TNNI3K: variants seen among roughly 807,000 people sequenced by gnomAD.
The protein encoded by TNNI3K is serine/threonine-protein kinase TNNI3K.
TNNI3K carries 140 observed loss-of-function variants against 114.5 expected under a neutral mutation model. The ratio of observed to expected loss-of-function variants is 1.22; its 90% CI spans 1.07 to 1.41. The LOEUF (loss-of-function observed/expected upper bound fraction) is 1.41. Among genes scored for constraint, TNNI3K ranks in the 40% most tolerant of loss-of-function variants. TNNI3K has a pLI of 0.00. For synonymous variants in TNNI3K, 347 were observed against 347.5 expected (o/e 1.00, Z 0.02); for missense variants, 1,125 against 1,007.6 (o/e 1.12, Z -1.58).
intron 17 of TNNI3K, among the ~76,000 whole-genome samples, chr1:74,377,701 T>C (rs1435929830): frequency 1.3e-5 from 2 of 152,140 alleles, no homozygotes; most frequent in Non-Finnish European, 2.9e-5. Flanking sequence ...ATATTAAAAC[T>C]TTTATTTCTG....
chr1:74,364,697 A>G (rs1259059483), intron 11 of TNNI3K, among the ~76,000 whole-genome samples: 1 of 151,906 alleles, frequency 6.6e-6, no homozygotes, highest in Admixed American at 6.6e-5. Context: ...TCATTGTAAT[A>G]TGGAAAAGGG....
Position 74,475,387 on chromosome 1 carries a change from G to C in TNNI3K, c.2121+11837G>C, listed in dbSNP as rs45516996. The C allele has an allele frequency of 3.0e-4, 216 of 717,032 alleles. 1 individual carries two copies. In the African/African-American group the frequency reaches 3.4e-3, roughly 11 times the overall value. The allele number at this position is 717,032 out of a possible 1,614,324, so 44.4% of individuals were successfully genotyped here. A position where few individuals can be genotyped will look rare whatever the true frequency, so the allele number is the denominator to read the frequency against. ...CTTTTGAACTTTCCTTGGATTATAT[G>C]TTGTAAGTAAGCCTGCTTCATTAAA... On this transcript the variant is annotated intron_variant, in intron 21 of 24. Transcript: ENST00000326637.
intron 2 of TNNI3K, among the ~76,000 whole-genome samples, chr1:74,242,129 A>C (rs185764768): frequency 6.6e-6 from 1 of 152,034 alleles, no homozygotes; most frequent in South Asian, 2.1e-4. Context: ...GATTACAAGC[A>C]TGAGCCACCG....
intron 21 of TNNI3K, chr1:74,469,773 C>T: frequency 2.5e-6 from 1 of 397,320 alleles, no homozygotes; most frequent in Non-Finnish European, 4.4e-6. Context: ...CGTTGTTGTC[C>T]TCCAAAATGA....
chr1:74,323,506 T>G, intron 5 of TNNI3K, among the ~76,000 whole-genome samples: 1 of 151,890 alleles, frequency 6.6e-6, no homozygotes, highest in Non-Finnish European at 1.5e-5. Context: ...AGGCAAGTGG[T>G]AAAGATTTGA....
intron 5 of TNNI3K, among the ~76,000 whole-genome samples, chr1:74,319,877 T>C (rs1000128023): frequency 6.6e-6 from 1 of 152,130 alleles, no homozygotes; most frequent in African/African-American, 2.4e-5. Context: ...TTTGAAACTT[T>C]TGGAAAACTT....
rs58113455 is a variant in TNNI3K, at chr1:74,378,594, T to TTATATATA, written c.1772+8242_1772+8249dup. On this transcript the variant is annotated intron_variant, in intron 17 of 24. Transcript: ENST00000326637. ...TTTTGTTGTTGTTGTCAGTTTAATT[T>TTATATATA]TATATATATATATATATATATATAT... The TTATATATA allele has an allele frequency of 2.9e-3, 226 of 77,810 alleles. 1 individual carries two copies. The highest frequency in any genetic ancestry group is 4.1e-3 in the Non-Finnish European group (157 of 38,300). 4.8% of individuals were successfully genotyped at this position (77,810 alleles called of 1,614,324 possible).
Position 74,370,322 on chromosome 1 carries a change from G to A in TNNI3K, c.1702G>A (p.Val568Ile), listed in dbSNP as rs767080527. ...LDLQSKLIIA[V>I]DVAKGMEYLH... ...TTTGCAGTCTAAATTAATTATTGCA[G>A]TAGATGTTGCCAAAGGCATGGAGTA... The change falls in exon 17 of 25, where the codon GTA (valine) becomes ATA (isoleucine). Residue 568 changes from valine (V) to isoleucine (I), a missense_variant. By Grantham distance (29) the Val-to-Ile change is conservative (BLOSUM62 3). Coordinates refer to ENST00000326637, the MANE Select transcript of TNNI3K (RefSeq NM_015978.3). 1 of 1,604,258 alleles carries A rather than the reference G, an allele frequency of 6.2e-7. No homozygotes were observed. Among genetic ancestry groups the A allele is most frequent in the Non-Finnish European group, 8.5e-7 (1 of 1,174,226 alleles).
chr1:74,350,665 A>G (rs1410574449), intron 9 of TNNI3K, among the ~76,000 whole-genome samples: 1 of 151,936 alleles, frequency 6.6e-6, no homozygotes, highest in Non-Finnish European at 1.5e-5. Context: ...CTGGGTGCAT[A>G]TATATTTAGG....
intron 2 of TNNI3K, among the ~76,000 whole-genome samples, chr1:74,239,069 C>T (rs932609587): frequency 2.0e-5 from 3 of 151,948 alleles, no homozygotes; most frequent in African/African-American, 7.3e-5. Flanking sequence ...GAACTCTTTG[C>T]CTGAGGTGAT....
At chr1:74,399,201 T>C (rs1327018109) in intron 17 of TNNI3K, among the ~76,000 whole-genome samples, 8 of 125,892 alleles carry the variant, frequency 6.4e-5, no homozygotes, top group Non-Finnish European at 3.4e-5. Flanking sequence ...AAAACTAAAA[T>C]GCCTTGGACC....
chr1:74,494,655 G>T (rs144979146), intron 23 of TNNI3K, among the ~76,000 whole-genome samples: 9 of 152,330 alleles, frequency 5.9e-5, no homozygotes, highest in Non-Finnish European at 2.9e-5. Flanking sequence ...GTCCACTTGA[G>T]ACAGAGGTTA....
chr1:74,257,850 G>T (rs570829663), intron 4 of TNNI3K, among the ~76,000 whole-genome samples: 3 of 151,824 alleles, frequency 2.0e-5, no homozygotes, highest in Non-Finnish European at 2.9e-5. Context: ...TGTATTTTTA[G>T]TAGAGACGGG....
chr1:74,236,331 G>T, intron 2 of TNNI3K, 121 bp downstream of exon 2: 1 of 745,554 alleles, frequency 1.3e-6, no homozygotes, highest in Non-Finnish European at 2.1e-6. Context: ...CATGTTCTAA[G>T]CCTTAGGATG....
At chr1:74,395,448 A>G (rs1370428500) in intron 17 of TNNI3K, among the ~76,000 whole-genome samples, 1 of 152,160 alleles carries the variant, frequency 6.6e-6, no homozygotes, top group Non-Finnish European at 1.5e-5. Flanking sequence ...CCCATAGACA[A>G]ACCTGAGACT....
chr1:74,520,955 T>C (rs1013302537), intron 23 of TNNI3K, among the ~76,000 whole-genome samples: 7 of 152,026 alleles, frequency 4.6e-5, no homozygotes, highest in African/African-American at 1.4e-4. Context: ...GAAGGGAAGA[T>C]TGAATAGTCC....
At chr1:74,266,357 C>T (rs1028085241) in intron 4 of TNNI3K, among the ~76,000 whole-genome samples, 1 of 151,918 alleles carries the variant, frequency 6.6e-6, no homozygotes, top group African/African-American at 2.4e-5. Context: ...AGATTTGTTA[C>T]GTTATAGATC....
At chr1:74,488,236 A>G (rs1668867654) in intron 21 of TNNI3K, among the ~76,000 whole-genome samples, 1 of 152,148 alleles carries the variant, frequency 6.6e-6, no homozygotes, top group South Asian at 2.1e-4. Context: ...CAAGGAAGAC[A>G]CAGGGTTTTG....
At chr1:74,250,551 C>A in intron 3 of TNNI3K, 121 bp from the exon 4 acceptor site, 2 of 786,222 alleles carry the variant, frequency 2.5e-6, no homozygotes, top group Non-Finnish European at 3.7e-6. Context: ...TTACAAATGG[C>A]CTGCAGAACG....
Sources: allele counts gnomAD v4.1 joint callset (sites outside exome capture counted in the v4.1 genomes callset), GRCh38; gene constraint gnomAD v4.1.1; transcripts MANE v1.5; gene names NCBI Gene and HGNC (gene_info 2026-07-23, HGNC 2026-07-21).